ASH2L: variants seen among roughly 807,000 people sequenced by gnomAD.
The protein encoded by ASH2L is ASH2 like, histone lysine methyltransferase complex subunit, also known as set1/Ash2 histone methyltransferase complex subunit ASH2.
ASH2L carries 30 observed loss-of-function variants against 81.1 expected under a neutral mutation model. The ratio of observed to expected loss-of-function variants is 0.37; its 90% CI spans 0.28 to 0.50. ASH2L has a LOEUF of 0.50. ASH2L is among the 20% of genes least tolerant of loss of function. The probability of loss-of-function intolerance (pLI) is 0.95; values close to 1 mark genes in which losing one functional copy is unlikely to be tolerated. For missense variants in ASH2L, 559 were observed against 792.1 expected (o/e 0.71, Z 3.53); for synonymous variants, 273 against 279.9 (o/e 0.98, Z 0.24).
intron 10 of ASH2L, among the ~76,000 whole-genome samples, chr8:38,125,026 T>G (rs1376027651): frequency 3.3e-5 from 5 of 152,034 alleles, no homozygotes; most frequent in Admixed American, 6.6e-5. Flanking sequence ...CCTCAGAAAC[T>G]AATAGAGTGA....
At chr8:38,110,919 C>T in intron 5 of ASH2L, 86 bp downstream of exon 5, 1 of 1,114,412 alleles carries the variant, frequency 9.0e-7, no homozygotes, top group Non-Finnish European at 1.3e-6. Context: ...ACTTTCTTCC[C>T]AGTTTTTATT....
At chr8:38,120,537 C>G (rs902520803) in intron 9 of ASH2L, among the ~76,000 whole-genome samples, 1 of 139,076 alleles carries the variant, frequency 7.2e-6, no homozygotes, top group Non-Finnish European at 1.5e-5. Context: ...GTGCTTATGT[C>G]TCTGAGCTTC....
intron 8 of ASH2L, 142 bp downstream of exon 8, chr8:38,116,867 C>A: frequency 1.5e-6 from 1 of 682,350 alleles, no homozygotes; most frequent in Non-Finnish European, 2.4e-6. Flanking sequence ...TTTTTAGGAA[C>A]TAGCCAAGGA....
chr8:38,121,216 G>A (rs1451161022), intron 10 of ASH2L, 67 bp downstream of exon 10: 4 of 1,434,904 alleles, frequency 2.8e-6, no homozygotes, highest in Non-Finnish European at 2.9e-6. Context: ...AGCCTTGTCA[G>A]TCTAGAATTA....
intron 3 of ASH2L, among the ~76,000 whole-genome samples, chr8:38,107,949 T>C (rs952072868): frequency 6.6e-6 from 1 of 151,666 alleles, no homozygotes; most frequent in African/African-American, 2.4e-5. Context: ...CTTGTTTTTT[T>C]CTTGCGACTG....
chr8:38,122,135 A>G (rs1284308772), intron 10 of ASH2L, among the ~76,000 whole-genome samples: 2 of 152,166 alleles, frequency 1.3e-5, no homozygotes, highest in African/African-American at 2.4e-5. Context: ...GTATAATCCA[A>G]TACTTTGATT....
intron 10 of ASH2L, among the ~76,000 whole-genome samples, chr8:38,122,195 G>T (rs1801655978): frequency 6.6e-6 from 1 of 152,068 alleles, no homozygotes; most frequent in Non-Finnish European, 1.5e-5. Context: ...GCTTCTTCAA[G>T]AAGTTGGTTC....
chr8:38,123,791 C>G (rs985244791), intron 10 of ASH2L, among the ~76,000 whole-genome samples: 1 of 152,298 alleles, frequency 6.6e-6, no homozygotes, highest in Middle Eastern at 3.4e-3. Flanking sequence ...TGTATTTCTT[C>G]ACAAATGAGC....
intron 6 of ASH2L, 82 bp from the exon 7 acceptor site, chr8:38,114,822 CT>C: frequency 1.1e-6 from 1 of 898,420 alleles, no homozygotes; most frequent in Non-Finnish European, 1.8e-6. Flanking sequence ...TAGGAATTGA[CT>C]TTTAGAGTTA....
At chr8:38,134,811 C>T (rs1416769677) in intron 13 of ASH2L, among the ~76,000 whole-genome samples, 2 of 152,078 alleles carry the variant, frequency 1.3e-5, no homozygotes, top group African/African-American at 4.8e-5. Context: ...AACCAGAAAG[C>T]CCCCTCTTGT....
intron 5 of ASH2L, among the ~76,000 whole-genome samples, chr8:38,112,406 A>G (rs1810725093): frequency 6.6e-6 from 1 of 151,736 alleles, no homozygotes; most frequent in African/African-American, 2.4e-5. Context: ...GACTTTCTTC[A>G]TGATTATGTT....
chr8:38,133,243 G>C (rs1468727326), intron 12 of ASH2L, among the ~76,000 whole-genome samples: 3 of 152,114 alleles, frequency 2.0e-5, no homozygotes, highest in African/African-American at 7.2e-5. Context: ...TCTTACTAAA[G>C]GCCTACTGAA....
chr8:38,106,490 G>T, intron 2 of ASH2L, 46 bp downstream of exon 2: 244 of 1,262,820 alleles, frequency 1.9e-4, no homozygotes, highest in Non-Finnish European at 2.5e-4. Context: ...GTTTGTTTTA[G>T]TTATTTCTTC....
intron 14 of ASH2L, among the ~76,000 whole-genome samples, chr8:38,136,960 C>G (rs1349833411): frequency 6.6e-6 from 1 of 151,214 alleles, no homozygotes; most frequent in East Asian, 1.9e-4. Flanking sequence ...GATGTGATGG[C>G]CACGCGCCTA....
At chr8:38,120,610 T>C (rs1585583770) in intron 9 of ASH2L, among the ~76,000 whole-genome samples, 11 of 4,644 alleles carry the variant, frequency 2.4e-3, no homozygotes, top group Non-Finnish European at 4.3e-3. Context: ...CCCATTCCTC[T>C]CCTCCCTTCC....
intron 9 of ASH2L, among the ~76,000 whole-genome samples, chr8:38,119,925 C>G (rs979394636): frequency 5.9e-5 from 9 of 152,048 alleles, no homozygotes; most frequent in African/African-American, 2.2e-4. Context: ...TTGAGACCAT[C>G]CTGGACAATG....
At chr8:38,136,434 T>C (rs1044283110) in intron 14 of ASH2L, among the ~76,000 whole-genome samples, 1 of 151,144 alleles carries the variant, frequency 6.6e-6, no homozygotes, top group African/African-American at 2.4e-5. Context: ...TTAGGGCCTG[T>C]TGGTTTTAAA....
intron 13 of ASH2L, among the ~76,000 whole-genome samples, chr8:38,134,725 A>G (rs1384094092): frequency 6.6e-6 from 1 of 151,368 alleles, no homozygotes; most frequent in Non-Finnish European, 1.5e-5. Flanking sequence ...ATGGAGGTGA[A>G]ATAAAGAAAC....
chr8:38,126,542 C>T (rs1435305731), intron 10 of ASH2L, among the ~76,000 whole-genome samples: 1 of 152,120 alleles, frequency 6.6e-6, no homozygotes, highest in Non-Finnish European at 1.5e-5. Flanking sequence ...CACACTAGGA[C>T]TCTACTATTT....
Sources: allele counts gnomAD v4.1 joint callset (sites outside exome capture counted in the v4.1 genomes callset), GRCh38; gene constraint gnomAD v4.1.1; transcripts MANE v1.5; gene names NCBI Gene and HGNC (gene_info 2026-07-23, HGNC 2026-07-21).